AHCYL1: variants seen among roughly 807,000 people sequenced by gnomAD.
AHCYL1 encodes the protein S-adenosylhomocysteine hydrolase-like protein 1.
In AHCYL1, 20 loss-of-function variants were observed where a neutral mutation model predicts 79.3. That is an observed-to-expected ratio of 0.25 (90% confidence interval 0.18 to 0.37). AHCYL1 has a LOEUF of 0.37. AHCYL1 is among the 10% of genes least tolerant of loss of function. AHCYL1 has a pLI of 1.00. For synonymous variants in AHCYL1, 223 were observed against 242.2 expected, an observed-to-expected ratio of 0.92 and a Z score of 0.74; for missense variants, 330 against 673.6, an observed-to-expected ratio of 0.49 and a Z score of 5.65.
chr1:110,011,396 C>T (rs745488490), intron 3 of AHCYL1, 39 bp downstream of exon 3: 35 of 1,604,144 alleles, frequency 2.2e-5, no homozygotes, highest in Non-Finnish European at 3.0e-5. Flanking sequence ...AGAAACAACC[C>T]TCTTGTTGGC....
intron 1 of AHCYL1, among the ~76,000 whole-genome samples, chr1:109,997,422 A>G (rs1389436610): frequency 6.6e-6 from 1 of 152,242 alleles, no homozygotes; most frequent in Non-Finnish European, 1.5e-5. Flanking sequence ...CTGGTGAGCC[A>G]GTAGCCAGGA....
rs758887108 is a variant in AHCYL1 at position 110,011,305 on chromosome 1, G to A, written c.324G>A (p.Lys108=). 6.2e-7 allele frequency: 1 copy of A among 1,614,134 alleles called. No individual in the cohort carries two copies. The highest frequency in any genetic ancestry group is 1.1e-5 in the South Asian group (1 of 91,072). The change falls in exon 3 of 17, where the codon AAG becomes AAA. Residue 108 remains lysine (K), a synonymous_variant. Transcript: ENST00000369799. ...AGGGCAGCAGCAATTTCTGTGTGAA[G>A]AACATCAAGCAGGCAGAATTTGGAC... ...NSKGSSNFCV[K]NIKQAEFGRR...
chr1:110,006,441 CAG>C (rs1650661466), intron 1 of AHCYL1, among the ~76,000 whole-genome samples: 1 of 152,144 alleles, frequency 6.6e-6, no homozygotes, highest in Non-Finnish European at 1.5e-5. Context: ...TTAATAGAAA[CAG>C]AACAACTTTG....
rs565119280 is a variant in AHCYL1 at position 110,018,791 on chromosome 1, C to T, written c.1317+141C>T. On this transcript the variant is annotated intron_variant, in intron 13 of 16. Coordinates refer to ENST00000369799, the MANE Select transcript of AHCYL1 (RefSeq NM_006621.7). ...GAGAGAGATATTTCACAAATTGGTC[C>T]CCAAAATAAAACCACTTTAAAAAAA... is the stretch of plus-strand genomic sequence containing the variant. 2.4e-5 allele frequency: 22 copies of T among 910,236 alleles called. No individual in the cohort carries two copies. The African/African-American group carries it at 3.5e-4, about 15-fold the overall frequency. The allele number at this position is 910,236 out of a possible 1,614,324, so 56.4% of individuals were successfully genotyped here.
intron 4 of AHCYL1, 96 bp downstream of exon 4, chr1:110,012,558 C>T (rs1651105648): frequency 1.0e-6 from 1 of 992,456 alleles, no homozygotes; most frequent in Non-Finnish European, 1.4e-6. Flanking sequence ...CGCCAACCTC[C>T]AAATGCTAAC....
intron 1 of AHCYL1, among the ~76,000 whole-genome samples, chr1:109,987,950 T>C (rs995856490): frequency 2.0e-5 from 3 of 152,228 alleles, no homozygotes; most frequent in Non-Finnish European, 4.4e-5. Context: ...AGTGTAATTT[T>C]TTAAAAGTCT....
chr1:110,021,774 CTTGAT>C lies in AHCYL1; in HGVS notation c.*97_*101del, dbSNP rs1189103277. ...TTTATTTTCTTCTTACTCCTTTCCTCTTGATTTTTTTCCTATAATTTCATTCTTGT... is the reference window on the plus strand; with the variant it reads ...TTTATTTTCTTCTTACTCCTTTCCTCTTTTTTCCTATAATTTCATTCTTGT... On this transcript the variant is annotated 3_prime_UTR_variant, in exon 17 of 17. Coordinates refer to ENST00000369799, the MANE Select transcript of AHCYL1 (RefSeq NM_006621.7). 7.3e-7 allele frequency: 1 copy of C among 1,367,572 alleles called. No homozygotes were observed. Among genetic ancestry groups the C allele is most frequent in the Non-Finnish European group, 1.0e-6 (1 of 983,490 alleles). 84.7% of individuals were successfully genotyped at this position (1,367,572 alleles called of 1,614,324 possible).
chr1:110,018,781 CA>C (rs1415887358), intron 13 of AHCYL1, 131 bp downstream of exon 13: 121 of 954,916 alleles, frequency 1.3e-4, no homozygotes, highest in Non-Finnish European at 1.9e-4. Context: ...AGATATTTCA[CA>C]AATTGGTCCC....
rs1188456666 is a variant in AHCYL1 at position 109,996,199 on chromosome 1, G to A, written c.120+11027G>A. ...CACTCCAGCCTGGGCAACAGAGCAAGACTATGTCTCAAAAAAGAAAAAAAG... is the reference window on the plus strand; with the variant it reads ...CACTCCAGCCTGGGCAACAGAGCAAAACTATGTCTCAAAAAAGAAAAAAAG... On this transcript the variant is annotated intron_variant, in intron 1 of 16. Transcript: ENST00000369799. 2.0e-5 allele frequency among the ~76,000 whole-genome samples: 3 copies of A among 152,132 alleles called. No individual in the cohort carries two copies. In the East Asian group the frequency reaches 5.8e-4, roughly 29 times the overall value.
At chr1:110,009,177 ATC>A in intron 2 of AHCYL1, 32 bp downstream of exon 2, 1 of 1,564,922 alleles carries the variant, frequency 6.4e-7, no homozygotes, top group Non-Finnish European at 8.8e-7. Context: ...GTCCTCTCTA[ATC>A]TCTCTTCCCT....
chr1:110,012,795 G>A, intron 4 of AHCYL1, 102 bp from the exon 5 acceptor site: 4 of 812,290 alleles, frequency 4.9e-6, no homozygotes, highest in Non-Finnish European at 7.5e-6. Flanking sequence ...TGTAGCACCT[G>A]TTGGTGCAGA....
At chr1:110,014,024 C>T (rs1651245704) in intron 5 of AHCYL1, among the ~76,000 whole-genome samples, 1 of 152,036 alleles carries the variant, frequency 6.6e-6, no homozygotes, top group East Asian at 1.9e-4. Context: ...TGGTCTCGAA[C>T]TCCTGACCTC....
chr1:110,009,198 C>A, intron 2 of AHCYL1, 53 bp downstream of exon 2: 1 of 1,482,958 alleles, frequency 6.7e-7, no homozygotes, highest in Non-Finnish European at 9.4e-7. Flanking sequence ...CTGTTTGCTA[C>A]CAGTGCTCTT....
chr1:109,990,404 A>T (rs1649693581), intron 1 of AHCYL1, among the ~76,000 whole-genome samples: 1 of 152,186 alleles, frequency 6.6e-6, no homozygotes, highest in African/African-American at 2.4e-5. Flanking sequence ...TATACCTGTT[A>T]TCCTAGCATG....
rs558684116 is a variant in AHCYL1 at position 110,017,964 on chromosome 1, G to A, written c.1071G>A (p.Val357=). 2.5e-6 allele frequency: 4 copies of A among 1,614,146 alleles called. No individual in the cohort carries two copies. The South Asian group carries it at 3.3e-5, about 13-fold the overall frequency. Residue 357 remains valine, a synonymous_variant, in exon 11 of 17, where the codon GTG becomes GTA. Coordinates refer to ENST00000369799, the MANE Select transcript of AHCYL1 (RefSeq NM_006621.7). ...CTTCCAGCATGGATGGGTTCAGGGT[G>A]GTAAAGCTAAATGAAGTCATCCGGC... ...ALQACMDGFR[V]VKLNEVIRQV...
At chr1:109,985,203 C>G in intron 1 of AHCYL1, 31 bp downstream of exon 1, 2 of 1,589,560 alleles carry the variant, frequency 1.3e-6, no homozygotes, top group South Asian at 1.1e-5. Flanking sequence ...GGCGGGGGCT[C>G]GGGCTCCGGC....
In AHCYL1 at chr1:110,011,311, C is replaced by G. The variant is rs919000126; in HGVS notation, c.330C>G (p.Ile110Met). ...GCAGCAATTTCTGTGTGAAGAACAT[C>G]AAGCAGGCAGAATTTGGACGCCGGG... ...KGSSNFCVKN[I>M]KQAEFGRREI... The change falls in exon 3 of 17, where the codon ATC becomes ATG. Residue 110 changes from isoleucine to methionine, a missense_variant. Around this residue, in one of 6 missense-constraint regions of AHCYL1, gnomAD observed 97 missense variants for 176.3 expected, o/e 0.55. Coordinates refer to ENST00000369799, the MANE Select transcript of AHCYL1 (RefSeq NM_006621.7). The G allele has an allele frequency of 1.9e-6, 3 of 1,614,048 alleles. No homozygotes were observed.
chr1:109,987,432 C>T (rs1474041571), intron 1 of AHCYL1, among the ~76,000 whole-genome samples: 1 of 152,174 alleles, frequency 6.6e-6, no homozygotes, highest in Non-Finnish European at 1.5e-5. Context: ...GAATTCTACC[C>T]TGGCTCTAGA....
At position 110,017,544 on chromosome 1, in the gene AHCYL1, A is replaced by T; in HGVS notation, c.1013A>T (p.Tyr338Phe). Reference protein sequence around the residue: ...AALKALGAIVYITEIDPICAL... With the variant: ...AALKALGAIVFITEIDPICAL... ...CTCAAAGCTCTTGGAGCAATTGTCTACATTACCGAAATCGACCCCATCTGT... is the reference window on the plus strand; with the variant it reads ...CTCAAAGCTCTTGGAGCAATTGTCTTCATTACCGAAATCGACCCCATCTGT... The change falls in exon 10 of 17, where the codon TAC becomes TTC. Residue 338 changes from tyrosine to phenylalanine, a missense_variant. Physicochemically the swap from Tyr to Phe is conservative, Grantham distance 22. Transcript: ENST00000369799. The T allele has an allele frequency of 5.0e-6, 8 of 1,614,176 alleles. No homozygotes were observed. The highest frequency in any genetic ancestry group is 5.1e-6 in the Non-Finnish European group (6 of 1,180,024).
Sources: allele counts gnomAD v4.1 joint callset (sites outside exome capture counted in the v4.1 genomes callset), GRCh38; gene constraint gnomAD v4.1.1; regional missense constraint gnomAD v4.1.1; transcripts MANE v1.5; gene names NCBI Gene and HGNC (gene_info 2026-07-23, HGNC 2026-07-21).